ALDH1A2: variants seen among roughly 807,000 people sequenced by gnomAD.
ALDH1A2 encodes the protein retinal dehydrogenase 2.
In ALDH1A2, 27 loss-of-function variants were observed where a neutral mutation model predicts 60.3. That is an observed-to-expected ratio of 0.45 (90% CI 0.33 to 0.62). The LOEUF (loss-of-function observed/expected upper bound fraction) is 0.62. ALDH1A2 is among the 20% of genes least tolerant of loss of function. The pLI, the probability that ALDH1A2 is intolerant of heterozygous loss-of-function variation, is 0.02. For missense variants in ALDH1A2, 581 were observed against 643.8 expected (o/e 0.90, Z 1.06); for synonymous variants, 289 against 232.4 (o/e 1.24, Z -2.21).
At chr15:58,023,620 G>C (rs951562867) in intron 1 of ALDH1A2, among the ~76,000 whole-genome samples, 5 of 140,428 alleles carry the variant, frequency 3.6e-5, no homozygotes, top group African/African-American at 1.1e-4. Flanking sequence ...AAACCTTACA[G>C]GCCAGAAGAG....
At chr15:58,023,419 T>G (rs767109057) in intron 1 of ALDH1A2, among the ~76,000 whole-genome samples, 7 of 152,132 alleles carry the variant, frequency 4.6e-5, no homozygotes, top group Non-Finnish European at 7.3e-5. Flanking sequence ...CTAGCAATAT[T>G]TAACACATGC....
chr15:58,037,529 T>C (rs374842557), intron 1 of ALDH1A2, among the ~76,000 whole-genome samples: 16 of 151,776 alleles, frequency 1.1e-4, no homozygotes, highest in Admixed American at 6.6e-4. Flanking sequence ...CATGAAAGTA[T>C]TGTTAGAAAA....
intron 1 of ALDH1A2, among the ~76,000 whole-genome samples, chr15:58,045,963 A>T (rs1264800570): frequency 1.3e-5 from 2 of 152,030 alleles, no homozygotes; most frequent in African/African-American, 4.8e-5. Context: ...TGTTAAGTAC[A>T]ATTTCCTTTT....
intron 1 of ALDH1A2, among the ~76,000 whole-genome samples, chr15:58,022,565 G>A (rs2140528933): frequency 6.6e-6 from 1 of 152,232 alleles, no homozygotes; most frequent in Middle Eastern, 3.4e-3. Flanking sequence ...GAATCAGCCT[G>A]CTCCAACACA....
chr15:58,032,722 G>T (rs145358202), intron 1 of ALDH1A2, among the ~76,000 whole-genome samples: 1 of 151,940 alleles, frequency 6.6e-6, no homozygotes, highest in East Asian at 1.9e-4. Flanking sequence ...AGGGATACCT[G>T]CACTAGCATA....
intron 7 of ALDH1A2, among the ~76,000 whole-genome samples, chr15:57,968,658 T>C (rs1196707416): frequency 1.3e-5 from 2 of 152,348 alleles, no homozygotes; most frequent in East Asian, 3.9e-4. Context: ...TTCAGGATTA[T>C]ATTCAAGAAA....
At chr15:58,058,101 T>G in intron 1 of ALDH1A2, 8 of 1,528,012 alleles carry the variant, frequency 5.2e-6, no homozygotes, top group Non-Finnish European at 7.0e-6. Context: ...CAAGTCCAAT[T>G]TTCACACCTA....
chr15:58,063,863 C>T (rs1897103628), intron 1 of ALDH1A2, among the ~76,000 whole-genome samples: 1 of 152,080 alleles, frequency 6.6e-6, no homozygotes, highest in Non-Finnish European at 1.5e-5. Context: ...TAAAAGACTC[C>T]ACATTAAAGG....
intron 1 of ALDH1A2, among the ~76,000 whole-genome samples, chr15:58,021,182 A>AT (rs1262732132): frequency 4.6e-5 from 7 of 152,144 alleles, no homozygotes; most frequent in African/African-American, 1.7e-4. Context: ...GAAAATCTGC[A>AT]TTTTAACTAG....
intron 1 of ALDH1A2, among the ~76,000 whole-genome samples, chr15:58,027,011 T>C (rs534795873): frequency 1.3e-5 from 2 of 152,296 alleles, no homozygotes; most frequent in Admixed American, 6.5e-5. Context: ...GGGACAGCTC[T>C]GAAGACAGCA....
chr15:58,058,207 G>A, intron 1 of ALDH1A2: 2 of 713,718 alleles, frequency 2.8e-6, no homozygotes, highest in Non-Finnish European at 4.7e-6. Flanking sequence ...CTTCCCACCT[G>A]AAATCGTGCC....
In ALDH1A2 at chr15:58,065,559, G is replaced by A; in HGVS notation, c.92C>T (p.Pro31Leu). 6.2e-7 allele frequency: 1 copy of A among 1,613,766 alleles called. No homozygotes were observed. ...CTTGGTGTACTTAATTTCGAGATTG[G>A]GCGTGGGCGACGGCAGGAGGTGCAG... is the stretch of plus-strand genomic sequence containing the variant. ...ASLHLLPSPT[P>L]NLEIKYTKIF... The change falls in exon 1 of 13, where the codon CCC (proline) becomes CTC (leucine). Residue 31 changes from proline to leucine, a missense_variant. Transcript: ENST00000249750.
At chr15:58,002,897 C>T (rs1336630826) in intron 4 of ALDH1A2, among the ~76,000 whole-genome samples, 10 of 151,740 alleles carry the variant, frequency 6.6e-5, no homozygotes, top group Admixed American at 1.3e-4. Context: ...ATCATGTTGA[C>T]GTTGAACAGA....
At chr15:58,023,848 T>C (rs1192279334) in intron 1 of ALDH1A2, among the ~76,000 whole-genome samples, 1 of 152,076 alleles carries the variant, frequency 6.6e-6, no homozygotes, top group African/African-American at 2.4e-5. Flanking sequence ...TCCCAGCATT[T>C]TGGGAGGCCG....
chr15:58,032,849 A>G (rs1322717604), intron 1 of ALDH1A2, among the ~76,000 whole-genome samples: 2 of 152,030 alleles, frequency 1.3e-5, no homozygotes, highest in African/African-American at 4.8e-5. Flanking sequence ...TTAGCCATAG[A>G]AAAGAAATGA....
intron 1 of ALDH1A2, chr15:58,057,997 T>G (rs891779717): frequency 1.2e-5 from 16 of 1,346,008 alleles, no homozygotes; most frequent in Non-Finnish European, 1.4e-5. Flanking sequence ...AAAACATAGA[T>G]GAGGCAGAAT....
chr15:57,964,026 A>G lies in ALDH1A2; in HGVS notation c.945T>C (p.Asn315=). 1 of 1,614,158 alleles carries G rather than the reference A, an allele frequency of 6.2e-7. No individual in the cohort carries two copies. Residue 315 remains asparagine (N), a synonymous_variant, in exon 9 of 13, where the codon AAT becomes AAC. Transcript: ENST00000249750. ...VEQAHQGVFF[N]QGQCCTAGSR... is the part of the protein sequence containing the mutation. ...AGCCTGCAGTGCAGCACTGACCTTG[A>G]TTGAAGAACACACCCTGGTGGGCCT...
At chr15:58,055,138 AG>A (rs1186667818) in intron 1 of ALDH1A2, among the ~76,000 whole-genome samples, 9 of 152,060 alleles carry the variant, frequency 5.9e-5, no homozygotes, top group Non-Finnish European at 1.2e-4. Flanking sequence ...TATTGTTACG[AG>A]TAGGGAAGGA....
intron 5 of ALDH1A2, 151 bp downstream of exon 5, chr15:57,994,927 G>A (rs1895001388): frequency 2.6e-6 from 2 of 776,688 alleles, no homozygotes; most frequent in Non-Finnish European, 4.6e-6. Context: ...AGCATTTGCA[G>A]GGAGGCTGTT....
Sources: allele counts gnomAD v4.1 joint callset (sites outside exome capture counted in the v4.1 genomes callset), GRCh38; gene constraint gnomAD v4.1.1; transcripts MANE v1.5; gene names NCBI Gene and HGNC (gene_info 2026-07-23, HGNC 2026-07-21).